Variants in AKAP19 observed in about 807,000 individuals in gnomAD.
AKAP19 encodes A-kinase anchoring protein 19, also known as small A-kinase anchoring protein.
the AKAP19 span, among the ~76,000 whole-genome samples, chr2:190,110,748 A>T: frequency 1.3e-5 from 2 of 152,192 alleles, no homozygotes; most frequent in South Asian, 4.1e-4. Flanking sequence ...ACATAGGAAG[A>T]TAAAGTTGGA....
At chr2:190,154,788 T>G in the AKAP19 span, among the ~76,000 whole-genome samples, 1 of 152,206 alleles carries the variant, frequency 6.6e-6, no homozygotes, top group South Asian at 2.1e-4. Context: ...AGAAATAAAC[T>G]TCACTCTTAG....
the AKAP19 span, among the ~76,000 whole-genome samples, chr2:190,134,326 T>C: frequency 1.3e-5 from 2 of 152,158 alleles, no homozygotes; most frequent in Admixed American, 1.3e-4. Flanking sequence ...TTTTATTAAA[T>C]GATGCTTTGT....
At chr2:189,886,765 C>T in the AKAP19 span, among the ~76,000 whole-genome samples, 1 of 152,056 alleles carries the variant, frequency 6.6e-6, no homozygotes, top group Non-Finnish European at 1.5e-5. Context: ...GATAGAGGTA[C>T]TAGGTATGAA....
At chr2:189,917,430 GT>G in the AKAP19 span, 16 of 773,240 alleles carry the variant, frequency 2.1e-5, no homozygotes, top group Admixed American at 6.5e-5. Context: ...AACCATGTCT[GT>G]TTTTTTTCTA....
At chr2:189,999,607 A>G in the AKAP19 span, among the ~76,000 whole-genome samples, 1 of 152,132 alleles carries the variant, frequency 6.6e-6, no homozygotes, top group Non-Finnish European at 1.5e-5. Context: ...GTAGCAATGA[A>G]TTATCTTAGT....
At chr2:190,028,160 A>T in the AKAP19 span, among the ~76,000 whole-genome samples, 1 of 152,098 alleles carries the variant, frequency 6.6e-6, no homozygotes, top group South Asian at 2.1e-4. Flanking sequence ...CAGTTATGAG[A>T]TATATACAAA....
At chr2:190,014,642 C>CT in the AKAP19 span, among the ~76,000 whole-genome samples, 163 of 146,906 alleles carry the variant, frequency 1.1e-3, no homozygotes, top group East Asian at 2.0e-3. Flanking sequence ...CTCAAATGTC[C>CT]TTTTTTTTTT....
At chr2:190,080,378 G>T in the AKAP19 span, among the ~76,000 whole-genome samples, 1 of 152,220 alleles carries the variant, frequency 6.6e-6, no homozygotes, top group Non-Finnish European at 1.5e-5. Context: ...AAGGTGGTAA[G>T]TGCTCTTCTG....
chr2:190,041,290 G>T, the AKAP19 span, among the ~76,000 whole-genome samples: 2 of 152,082 alleles, frequency 1.3e-5, no homozygotes. Flanking sequence ...TTGGGACTGG[G>T]ATTGCCTTTC....
At chr2:190,042,972 G>T in the AKAP19 span, among the ~76,000 whole-genome samples, 1 of 152,326 alleles carries the variant, frequency 6.6e-6, no homozygotes, top group African/African-American at 2.4e-5. Context: ...GGCTGGATAT[G>T]AAATTTGTGG....
At chr2:190,050,059 AT>A in the AKAP19 span, among the ~76,000 whole-genome samples, 1 of 152,248 alleles carries the variant, frequency 6.6e-6, no homozygotes, top group Non-Finnish European at 1.5e-5. Context: ...CTTTTGAAAA[AT>A]AAAGCAAGGT....
the AKAP19 span, among the ~76,000 whole-genome samples, chr2:189,912,685 T>C: frequency 4.6e-5 from 7 of 152,354 alleles, 1 homozygote; most frequent in South Asian, 1.4e-3. Flanking sequence ...TTGATTAATT[T>C]ATGAATCAGT....
At chr2:190,199,434 T>C in the AKAP19 span, among the ~76,000 whole-genome samples, 1 of 152,068 alleles carries the variant, frequency 6.6e-6, no homozygotes, top group African/African-American at 2.4e-5. Context: ...TGTTTTGGTA[T>C]AGATAAATCT....
the AKAP19 span, among the ~76,000 whole-genome samples, chr2:189,884,742 G>A: frequency 6.6e-6 from 1 of 152,158 alleles, no homozygotes; most frequent in Non-Finnish European, 1.5e-5. Flanking sequence ...ATGAGTATGG[G>A]ACTTCTCCAA....
the AKAP19 span, among the ~76,000 whole-genome samples, chr2:190,066,580 C>T: frequency 6.6e-6 from 1 of 152,144 alleles, no homozygotes; most frequent in African/African-American, 2.4e-5. Flanking sequence ...CTGCATAGTA[C>T]TCAACTCACT....
the AKAP19 span, among the ~76,000 whole-genome samples, chr2:190,028,629 A>C: frequency 2.0e-5 from 3 of 152,102 alleles, no homozygotes; most frequent in Admixed American, 2.0e-4. Context: ...GATATTTGTT[A>C]TTTAACATAT....
At chr2:190,193,969 T>C in the AKAP19 span, among the ~76,000 whole-genome samples, 3 of 152,214 alleles carry the variant, frequency 2.0e-5, no homozygotes, top group African/African-American at 7.2e-5. Flanking sequence ...CATTTCAAAA[T>C]TTTGATGTTT....
the AKAP19 span, among the ~76,000 whole-genome samples, chr2:190,175,966 G>C: frequency 6.6e-6 from 1 of 152,138 alleles, no homozygotes; most frequent in Non-Finnish European, 1.5e-5. Flanking sequence ...TTTAGCTAGG[G>C]TTCCCCACCT....
At chr2:190,010,958 C>CTA in the AKAP19 span, among the ~76,000 whole-genome samples, 3 of 150,084 alleles carry the variant, frequency 2.0e-5, no homozygotes, top group Non-Finnish European at 4.4e-5. Flanking sequence ...GGATATGTGG[C>CTA]TATATATATA....
Sources: gnomAD v4.1 joint callset for allele counts (sites outside exome capture counted in the v4.1 genomes callset) on GRCh38, gnomAD v4.1.1 for gene constraint, MANE v1.5 for transcripts, NCBI Gene and HGNC (gene_info 2026-07-23, HGNC 2026-07-21) for gene names.